KIF23: variants seen among roughly 807,000 people sequenced by gnomAD.
KIF23 encodes the protein kinesin-like protein KIF23.
KIF23 carries 30 observed loss-of-function variants against 137.5 expected under a neutral mutation model. That is an observed-to-expected ratio of 0.22 (90% CI 0.16 to 0.30). The LOEUF (loss-of-function observed/expected upper bound fraction) is 0.30, where lower values mean the gene tolerates loss of function less well. KIF23 is among the 10% of genes least tolerant of loss of function. The probability of loss-of-function intolerance (pLI) is 1.00; values close to 1 mark genes in which losing one functional copy is unlikely to be tolerated. For missense variants in KIF23, 920 were observed against 1,194.3 expected (o/e 0.77, Z 3.38); for synonymous variants, 367 against 391.1 (o/e 0.94, Z 0.73).
chr15:69,418,453 T>C lies in KIF23; in HGVS notation c.210+942T>C, dbSNP rs113090395. On this transcript the variant is annotated intron_variant, in intron 3 of 23. Coordinates refer to ENST00000679126, the MANE Select transcript of KIF23 (RefSeq NM_001367805.3). Reference sequence around the variant, plus strand: ...ATTCCCTCTCTAAATACTTCCTCCCTTGTTTTCTTCTCAAGGAATGGCACT... The same window carrying C: ...ATTCCCTCTCTAAATACTTCCTCCCCTGTTTTCTTCTCAAGGAATGGCACT... Among the ~76,000 whole-genome samples the C allele has an allele frequency of 7.4e-3, 1,123 of 152,296 alleles. 12 individuals carry two copies. The highest frequency in any genetic ancestry group is 0.026 in the African/African-American group (1,072 of 41,556).
At chr15:69,438,168 C>G in intron 15 of KIF23, 80 bp from the exon 16 acceptor site, 1 of 1,205,452 alleles carries the variant, frequency 8.3e-7, no homozygotes. Flanking sequence ...TACATTTTAT[C>G]TAGTGTCTGC....
At chr15:69,431,917 G>A (rs1339528593) in intron 11 of KIF23, among the ~76,000 whole-genome samples, 1 of 152,184 alleles carries the variant, frequency 6.6e-6, no homozygotes, top group African/African-American at 2.4e-5. Context: ...CCTCTACCCT[G>A]GCCCAAAGGA....
chr15:69,436,779 TA>T, intron 15 of KIF23, 57 bp downstream of exon 15: 1 of 1,152,714 alleles, frequency 8.7e-7, no homozygotes, highest in South Asian at 2.1e-5. Flanking sequence ...TTTTGAGACA[TA>T]GTTTCACTCT....
chr15:69,437,456 CTTTTTTTTTTT>C (rs772460557), intron 15 of KIF23, among the ~76,000 whole-genome samples: 1 of 120,562 alleles, frequency 8.3e-6, no homozygotes, highest in Non-Finnish European at 1.7e-5. Context: ...AATGTATCTA[CTTTTTTTTTTT>C]TTTTTTTTTT....
intron 15 of KIF23, among the ~76,000 whole-genome samples, chr15:69,437,018 G>A (rs530446709): frequency 1.4e-4 from 22 of 152,270 alleles, no homozygotes; most frequent in African/African-American, 5.3e-4. Flanking sequence ...GCCTCCTAAA[G>A]TGCTGGGATT....
intron 11 of KIF23, among the ~76,000 whole-genome samples, chr15:69,433,828 CG>C (rs2057410201): frequency 6.6e-6 from 1 of 152,086 alleles, no homozygotes. Context: ...AACTCAGAAT[CG>C]ATGGGTCAGG....
chr15:69,426,112 C>T lies in KIF23; in HGVS notation c.819C>T (p.Asn273=). The T allele has an allele frequency of 6.2e-7, 1 of 1,604,142 alleles. No individual in the cohort carries two copies. The highest frequency in any genetic ancestry group is 8.5e-7 in the Non-Finnish European group (1 of 1,177,898). The change falls in exon 9 of 24, where the codon AAC becomes AAT. Residue 273 remains asparagine, a synonymous_variant. Coordinates refer to ENST00000679126, the MANE Select transcript of KIF23 (RefSeq NM_001367805.3). The part of the protein sequence containing the change: ...SKLLREDKNH[N]MYVAGCTEVE... ...TGCTTCGTGAAGATAAGAACCATAA[C>T]ATGTATGTTGCAGGATGTACAGAAG...
At position 69,416,007 on chromosome 15, in the gene KIF23, C is replaced by T; in HGVS notation, c.25C>T (p.Pro9Ser). The T allele has an allele frequency of 6.3e-7, 1 of 1,579,138 alleles. No homozygotes were observed. The highest frequency in any genetic ancestry group is 8.5e-7 in the Non-Finnish European group (1 of 1,169,622). Residue 9 changes from proline to serine, a missense_variant, in exon 2 of 24, where the codon CCC (proline) becomes TCC (serine). Pro to Ser is a moderately conservative substitution (Grantham distance 74). Around this residue, in one of 4 missense-constraint regions of KIF23, gnomAD observed 124 missense variants for 122.0 expected, o/e 1.02. Coordinates refer to ENST00000679126, the MANE Select transcript of KIF23 (RefSeq NM_001367805.3). The stretch of plus-strand genomic sequence containing the variant: ...ATCTATGACCAGGAGAGCTAAGACA[C>T]CCCGGAAACCTACCGTGAAAAAAGG... MKSARAKT[P>S]RKPTVKKGSQ... is the part of the protein sequence containing the mutation.
chr15:69,425,427 G>T (rs1308040260), intron 8 of KIF23, 104 bp downstream of exon 8: 20 of 1,008,978 alleles, frequency 2.0e-5, no homozygotes, highest in East Asian at 2.6e-5. Flanking sequence ...ATTGTCACTG[G>T]GCTGGCTGCT....
chr15:69,427,805 T>C (rs771092386), intron 10 of KIF23, among the ~76,000 whole-genome samples: 2 of 152,204 alleles, frequency 1.3e-5, no homozygotes, highest in Non-Finnish European at 2.9e-5. Context: ...AGGAGTGGTA[T>C]TGAAGACCTC....
chr15:69,415,289 A>G (rs2056870745), intron 1 of KIF23, among the ~76,000 whole-genome samples: 1 of 152,246 alleles, frequency 6.6e-6, no homozygotes, highest in Non-Finnish European at 1.5e-5. Flanking sequence ...TTTGCACTGA[A>G]TAACACGAAT....
Position 69,440,801 on chromosome 15 carries a change from G to T in KIF23, c.2143G>T (p.Gly715Cys), listed in dbSNP as rs372828681. Residue 715 changes from glycine (G) to cysteine (C), a missense_variant, in exon 19 of 24, where the codon GGC (glycine) becomes TGC (cysteine). Around this residue, in one of 4 missense-constraint regions of KIF23, gnomAD observed 714 missense variants for 866.2 expected, o/e 0.82. Transcript: ENST00000679126. ...SSNYIAQISN[G>C]QQLMSQPQLH... The stretch of plus-strand genomic sequence containing the variant: ...TAACTATATTGCTCAGATTTCCAAC[G>T]GCCAGCAACTCATGAGCCAGCCACA... 52 of 1,611,380 alleles carry T rather than the reference G, an allele frequency of 3.2e-5. No homozygotes were observed. The highest frequency in any genetic ancestry group is 4.2e-5 in the Non-Finnish European group (49 of 1,179,752).
intron 11 of KIF23, among the ~76,000 whole-genome samples, chr15:69,430,304 G>A (rs112148685): frequency 0.018 from 2,757 of 152,206 alleles, 80 homozygotes; most frequent in African/African-American, 0.062. Context: ...ATAGATGTAT[G>A]CAGTGTGATC....
rs17310879 is a variant in KIF23 at position 69,436,710 on chromosome 15, T to C, written c.1585T>C (p.Phe529Leu). ...HNLRQMMIDE[F>L]NKQSNAFKAL... ...CTTACGACAAATGATGATTGATGAGTTTAACAAACAATGTAAGGGCAAAAC... is the reference window on the plus strand; with the variant it reads ...CTTACGACAAATGATGATTGATGAGCTTAACAAACAATGTAAGGGCAAAAC... Residue 529 changes from phenylalanine (F) to leucine (L), a missense_variant, in exon 15 of 24, where the codon TTT (phenylalanine) becomes CTT (leucine). Coordinates refer to ENST00000679126, the MANE Select transcript of KIF23 (RefSeq NM_001367805.3). 21,471 of 1,563,236 alleles carry C rather than the reference T, an allele frequency of 0.014. 185 individuals are homozygous for C. Among genetic ancestry groups the C allele is most frequent in the Middle Eastern group, 0.023 (136 of 5,874 alleles).
Position 69,422,090 on chromosome 15 carries a change from A to C in KIF23, c.415A>C (p.Ile139Leu). The C allele has an allele frequency of 1.9e-6, 3 of 1,614,138 alleles. No individual in the cohort carries two copies. The highest frequency in any genetic ancestry group is 1.7e-6 in the Non-Finnish European group (2 of 1,180,006). Residue 139 changes from isoleucine (I) to leucine (L), a missense_variant, in exon 5 of 24, where the codon ATC (isoleucine) becomes CTC (leucine). Physicochemically the swap from Ile to Leu is conservative, Grantham distance 5. Around this residue, in one of 4 missense-constraint regions of KIF23, gnomAD observed 714 missense variants for 866.2 expected, o/e 0.82. Transcript: ENST00000679126. ...GCTGCTTCCTCGTTGTTTGGACATG[A>C]TCTTTAACAGTATAGGGTCATTTCA... ...GGLLPRCLDM[I>L]FNSIGSFQAK...
intron 11 of KIF23, chr15:69,435,043 A>G (rs1030537447): frequency 1.1e-5 from 6 of 556,884 alleles, no homozygotes; most frequent in Admixed American, 6.1e-5. Flanking sequence ...TGTGGTCCCC[A>G]TAGTTCCTCC....
chr15:69,420,148 C>G (rs1224519572), intron 3 of KIF23, among the ~76,000 whole-genome samples: 2 of 152,088 alleles, frequency 1.3e-5, no homozygotes, highest in Non-Finnish European at 2.9e-5. Context: ...CCTGTAATCA[C>G]AGCTACTCGG....
rs762351213 is a variant in KIF23, at chr15:69,423,196, G to A, written c.601G>A (p.Val201Ile). ...TCCAGAGTTTGCAGATATGATAACT[G>A]TACAAGAATTCTGCAAAGCAGAAGA... ...VDPEFADMIT[V>I]QEFCKAEEVD... is the part of the protein sequence containing the mutation. The change falls in exon 7 of 24, where the codon GTA (valine) becomes ATA (isoleucine). Residue 201 changes from valine to isoleucine, a missense_variant. Coordinates refer to ENST00000679126, the MANE Select transcript of KIF23 (RefSeq NM_001367805.3). 5.0e-6 allele frequency: 8 copies of A among 1,602,138 alleles called. No homozygotes were observed. In the South Asian group the frequency reaches 8.9e-5, roughly 18 times the overall value.
intron 11 of KIF23, among the ~76,000 whole-genome samples, chr15:69,433,704 A>T (rs1436050923): frequency 6.6e-6 from 1 of 152,090 alleles, no homozygotes; most frequent in African/African-American, 2.4e-5. Context: ...GCTGCCTTAG[A>T]GAATATATTT....
Sources: allele counts gnomAD v4.1 joint callset (sites outside exome capture counted in the v4.1 genomes callset), GRCh38; gene constraint gnomAD v4.1.1; regional missense constraint gnomAD v4.1.1; transcripts MANE v1.5; gene names NCBI Gene and HGNC (gene_info 2026-07-23, HGNC 2026-07-21).